The following FLT3 variants were observed in gnomAD, a reference collection of about 807,000 sequenced individuals.
The protein encoded by FLT3 is fms related receptor tyrosine kinase 3.
Under a neutral mutation model 126.6 loss-of-function variants are expected in FLT3, and 46 were observed. The observed-to-expected ratio is 0.36, with a 90% CI of 0.29 to 0.46. The LOEUF (loss-of-function observed/expected upper bound fraction) is 0.46. Among genes scored for constraint, FLT3 ranks in the 20% least tolerant of loss-of-function variants. The probability of loss-of-function intolerance (pLI) is 1.00; values close to 1 mark genes in which losing one functional copy is unlikely to be tolerated. For synonymous variants in FLT3, 404 were observed against 434.4 expected, an observed-to-expected ratio of 0.93 and a Z score of 0.87; for missense variants, 1,069 against 1,190.3, an observed-to-expected ratio of 0.90 and a Z score of 1.50.
At chr13:28,087,670 C>T (rs144821526) in intron 1 of FLT3, among the ~76,000 whole-genome samples, 1,664 of 152,248 alleles carry the variant, frequency 0.011, 16 homozygotes, top group Non-Finnish European at 0.018. Context: ...GTATATCTGA[C>T]GACCTGAAGT....
chr13:28,053,123 G>A (rs1875685100), intron 4 of FLT3, among the ~76,000 whole-genome samples: 1 of 151,792 alleles, frequency 6.6e-6, no homozygotes, highest in African/African-American at 2.4e-5. Flanking sequence ...GGTGGAGTTG[G>A]AATTGCAACA....
intron 15 of FLT3, among the ~76,000 whole-genome samples, chr13:28,033,173 CAA>C (rs1873505520): frequency 1.3e-5 from 2 of 149,620 alleles, no homozygotes; most frequent in Admixed American, 6.7e-5. Flanking sequence ...AAAAATTAGC[CAA>C]TTGTCTTGGC....
chr13:28,058,283 A>C (rs1250758753), intron 3 of FLT3, among the ~76,000 whole-genome samples: 3 of 150,838 alleles, frequency 2.0e-5, no homozygotes, highest in Admixed American at 6.6e-5. Context: ...GGGAGGCTGA[A>C]GTGGGTGGAT....
intron 23 of FLT3, among the ~76,000 whole-genome samples, chr13:28,011,704 T>TTCCCTCCTC (rs1376514476): frequency 8.6e-5 from 6 of 69,810 alleles, no homozygotes; most frequent in Non-Finnish European, 1.8e-4. Flanking sequence ...CCTTTCTTTC[T>TTCCCTCCTC]CTTTTTCTCT....
chr13:28,051,171 C>A (rs570892616), intron 5 of FLT3, among the ~76,000 whole-genome samples: 1 of 152,328 alleles, frequency 6.6e-6, no homozygotes, highest in African/African-American at 2.4e-5. Flanking sequence ...TCATATTAGA[C>A]TGCTTTCCCA....
At chr13:28,087,480 T>G (rs1054896631) in intron 1 of FLT3, among the ~76,000 whole-genome samples, 10 of 152,224 alleles carry the variant, frequency 6.6e-5, no homozygotes, top group Admixed American at 2.6e-4. Context: ...TTTAACCAAT[T>G]TGATGATAAT....
intron 19 of FLT3, among the ~76,000 whole-genome samples, chr13:28,019,689 C>T (rs796132201): frequency 6.6e-5 from 10 of 152,212 alleles, no homozygotes; most frequent in African/African-American, 1.9e-4. Flanking sequence ...CTGCTCTGGC[C>T]GAGGCCTGCA....
intron 3 of FLT3, 99 bp from the exon 4 acceptor site, chr13:28,057,561 C>A (rs1876120216): frequency 1.5e-6 from 1 of 679,920 alleles, no homozygotes; most frequent in Admixed American, 2.2e-5. Context: ...CTCCAGCGTT[C>A]CCCGACTGGC....
chr13:28,075,689 C>T (rs946823366), intron 1 of FLT3, among the ~76,000 whole-genome samples: 2 of 151,196 alleles, frequency 1.3e-5, no homozygotes, highest in Admixed American at 6.6e-5. Context: ...CACGCCATTG[C>T]ACTCTAGCCT....
At chr13:28,057,317 G>C in intron 4 of FLT3, 30 bp downstream of exon 4, 3 of 938,606 alleles carry the variant, frequency 3.2e-6, no homozygotes, top group South Asian at 1.3e-5. Flanking sequence ...GGTATTCCAG[G>C]CTGGAATACT....
At chr13:28,095,735 T>C (rs1299374834) in intron 1 of FLT3, among the ~76,000 whole-genome samples, 2 of 152,182 alleles carry the variant, frequency 1.3e-5, no homozygotes, top group African/African-American at 4.8e-5. Flanking sequence ...GCAGCAAGAC[T>C]GTAATCTTGA....
chr13:28,091,254 C>T (rs1203901182), intron 1 of FLT3, among the ~76,000 whole-genome samples: 5 of 105,560 alleles, frequency 4.7e-5, no homozygotes, highest in Non-Finnish European at 8.5e-5. Flanking sequence ...CGGAGTCTCG[C>T]TCTGTCGCCC....
Position 28,037,261 on chromosome 13 carries a change from G to A in FLT3, c.1233C>T (p.His411=). ...YSISKFCNHK[H]QPGEYIFHAE... ...CATGGAATATATATTCTCCTGGCTGGTGCTTATGATTGCAAAACTTGGATA... is the reference window on the plus strand; with the variant it reads ...CATGGAATATATATTCTCCTGGCTGATGCTTATGATTGCAAAACTTGGATA... Residue 411 remains histidine (H), a synonymous_variant, in exon 10 of 24, where the codon CAC becomes CAT. Coordinates refer to ENST00000241453, the MANE Select transcript of FLT3 (RefSeq NM_004119.3). 6.2e-7 allele frequency: 1 copy of A among 1,611,838 alleles called. No individual in the cohort carries two copies. The highest frequency in any genetic ancestry group is 8.5e-7 in the Non-Finnish European group (1 of 1,178,138).
In FLT3 at chr13:28,023,387, T is replaced by G; in HGVS notation, c.2381A>C (p.Gln794Pro). 1.9e-6 allele frequency: 3 copies of G among 1,613,946 alleles called. No individual in the cohort carries two copies. Among genetic ancestry groups the G allele is most frequent in the Non-Finnish European group, 2.5e-6 (3 of 1,179,888 alleles). Reference sequence around the variant, plus strand: ...CAGAAATTCCATTCCTTTGGCAACTTGATATGCAAAGCAAAGAAGATCTTC... The same window carrying G: ...CAGAAATTCCATTCCTTTGGCAACTGGATATGCAAAGCAAAGAAGATCTTC... ...TFEDLLCFAY[Q>P]VAKGMEFLEF... Residue 794 changes from glutamine (Q) to proline (P), a missense_variant, in exon 19 of 24, where the codon CAA becomes CCA. By Grantham distance (76) the Gln-to-Pro change is moderately conservative. Coordinates refer to ENST00000241453, the MANE Select transcript of FLT3 (RefSeq NM_004119.3).
In FLT3 at chr13:28,036,112, C is replaced by T. The variant is rs1873818386; in HGVS notation, c.1310-69G>A. On this transcript the variant is annotated intron_variant, in intron 10 of 23. Transcript: ENST00000241453. The stretch of plus-strand genomic sequence containing the variant: ...GTGGTTCACTCCTATAATACCAATA[C>T]TTTGTGAAGCCAAGGTGGGAGGATC... The T allele has an allele frequency of 9.9e-6, 13 of 1,308,190 alleles. 1 individual carries two copies. The South Asian group carries it at 1.4e-4, about 14-fold the overall frequency. 81.0% of individuals were successfully genotyped at this position (1,308,190 alleles called of 1,614,324 possible). A position where few individuals can be genotyped will look rare whatever the true frequency, so the allele number is the denominator to read the frequency against.
At chr13:28,071,884 C>T (rs968189911) in intron 1 of FLT3, among the ~76,000 whole-genome samples, 1 of 152,032 alleles carries the variant, frequency 6.6e-6, no homozygotes, top group Non-Finnish European at 1.5e-5. Flanking sequence ...CTATGTTGCA[C>T]ACAGTGACTT....
At chr13:28,016,591 G>A (rs1871884796) in intron 20 of FLT3, among the ~76,000 whole-genome samples, 1 of 152,110 alleles carries the variant, frequency 6.6e-6, no homozygotes, top group Non-Finnish European at 1.5e-5. Context: ...TTTTACATGG[G>A]TTGACGAGTC....
chr13:28,100,443 T>TGCGA lies in FLT3; in HGVS notation c.43+21_43+24dup, dbSNP rs1252518432. On this transcript the variant is annotated intron_variant, in intron 1 of 23. Transcript: ENST00000241453. This position sits in a 1 kb window ranked among gnomAD's most constrained non-coding sequence, Gnocchi z 4.8. ...TGGGGGCTGAGGGACCGCGAGGGGC[T>TGCGA]GCGAGCGAGCGAGCGGGGCCTTACC... 3 of 1,214,110 alleles carry TGCGA rather than the reference T, an allele frequency of 2.5e-6. No homozygotes were observed. The highest frequency in any genetic ancestry group is 3.1e-6 in the Non-Finnish European group (3 of 976,424). 75.2% of individuals were successfully genotyped at this position (1,214,110 alleles called of 1,614,324 possible).
At chr13:28,032,295 T>C (rs978843798) in intron 15 of FLT3, among the ~76,000 whole-genome samples, 3 of 152,150 alleles carry the variant, frequency 2.0e-5, no homozygotes, top group Non-Finnish European at 4.4e-5. Flanking sequence ...ATGAGGGCCC[T>C]TGGTGTATGG....
Sources: gnomAD v4.1 joint callset for allele counts (sites outside exome capture counted in the v4.1 genomes callset) on GRCh38, gnomAD v4.1.1 for gene constraint, Gnocchi (gnomAD v3.1) non-coding constraint, MANE v1.5 for transcripts, NCBI Gene and HGNC (gene_info 2026-07-23, HGNC 2026-07-21) for gene names.